The following RAB5A variants were observed in gnomAD, a reference collection of about 807,000 sequenced individuals.
RAB5A encodes the protein RAB5A, member RAS oncogene family.
A neutral mutation model predicts 25.7 loss-of-function variants in RAB5A; 8 were observed. The ratio of observed to expected loss-of-function variants is 0.31; its 90% CI spans 0.18 to 0.56. The LOEUF (loss-of-function observed/expected upper bound fraction) is 0.56, where lower values mean the gene tolerates loss of function less well. Among genes scored for constraint, RAB5A ranks in the 20% least tolerant of loss-of-function variants. RAB5A has a pLI of 0.91. For missense variants in RAB5A, 192 were observed against 259.7 expected (o/e 0.74, Z 1.79); for synonymous variants, 98 against 89.8 (o/e 1.09, Z -0.52).
At position 19,983,897 on chromosome 3, in the gene RAB5A, C is replaced by T; in HGVS notation, c.*74C>T. ...ATAACAATGGAATTGGAGCATTTAA[C>T]CAGCCCAGTATGACTTCCAAAAGAA... On this transcript the variant is annotated 3_prime_UTR_variant, in exon 6 of 6. Coordinates refer to ENST00000273047, the MANE Select transcript of RAB5A (RefSeq NM_004162.5). 1.0e-6 allele frequency: 1 copy of T among 1,001,436 alleles called. No homozygotes were observed. The allele number at this position is 1,001,436 out of a possible 1,614,324, so 62.0% of individuals were successfully genotyped here. A position where few individuals can be genotyped will look rare whatever the true frequency, so the allele number is the denominator to read the frequency against.
intron 2 of RAB5A, among the ~76,000 whole-genome samples, chr3:19,958,871 G>A (rs1696543415): frequency 1.3e-5 from 2 of 150,908 alleles, no homozygotes; most frequent in South Asian, 2.1e-4. Flanking sequence ...CCTGGGAGGC[G>A]GAGGTTGCAG....
intron 2 of RAB5A, among the ~76,000 whole-genome samples, chr3:19,962,759 AT>A (rs1696605789): frequency 6.6e-6 from 1 of 152,068 alleles, no homozygotes; most frequent in Non-Finnish European, 1.5e-5. Context: ...TTTCTCACAT[AT>A]TCTGAGTATA....
At chr3:19,958,506 C>T (rs1696538057) in intron 2 of RAB5A, among the ~76,000 whole-genome samples, 2 of 152,154 alleles carry the variant, frequency 1.3e-5, no homozygotes, top group Non-Finnish European at 2.9e-5. Flanking sequence ...TTTATGTGAA[C>T]TCTGTTTACA....
Position 19,947,267 on chromosome 3 carries a change from C to CGGCGGCGGCGGT in RAB5A, c.-337_-336insTGGCGGCGGCGG. The CGGCGGCGGCGGT allele has an allele frequency of 1.8e-5, 1 of 56,718 alleles. No homozygotes were observed. Among genetic ancestry groups the CGGCGGCGGCGGT allele is most frequent in the Non-Finnish European group, 2.9e-5 (1 of 34,534 alleles). The allele number at this position is 56,718 out of a possible 1,614,324, so 3.5% of individuals were successfully genotyped here. A position where few individuals can be genotyped will look rare whatever the true frequency, so the allele number is the denominator to read the frequency against. On this transcript the variant is annotated 5_prime_UTR_variant, in exon 1 of 6. Coordinates refer to ENST00000273047, the MANE Select transcript of RAB5A (RefSeq NM_004162.5). ...GAAGAATTAGTCGGAACTCCAGCGC[C>CGGCGGCGGCGGT]GGCGGCGGCGGCGGCGGCGGAGGAG...
intron 3 of RAB5A, 112 bp from the exon 4 acceptor site, chr3:19,975,935 A>T (rs1696818366): frequency 2.8e-6 from 4 of 1,418,860 alleles, no homozygotes; most frequent in Non-Finnish European, 3.8e-6. Context: ...AATAGTCCTA[A>T]TAATTTCTTT....
intron 2 of RAB5A, among the ~76,000 whole-genome samples, chr3:19,961,848 T>G (rs915880910): frequency 6.6e-6 from 1 of 152,244 alleles, no homozygotes; most frequent in Non-Finnish European, 1.5e-5. Context: ...ATATGTCAGA[T>G]GTACTGTAAT....
rs2125191541 is a variant in RAB5A, at chr3:19,975,734, A to G, written c.297A>G (p.Val99=). Residue 99 remains valine (V), a synonymous_variant, in exon 3 of 6, where the codon GTA becomes GTG. Transcript: ENST00000273047. The part of the protein sequence containing the change: ...YYRGAQAAIV[V]YDITNEESFA... ...GAGGAGCACAAGCAGCCATAGTTGT[A>G]TATGATATCACAAATGAGGTAAGTA... 3 of 1,612,028 alleles carry G rather than the reference A, an allele frequency of 1.9e-6. No homozygotes were observed. Among genetic ancestry groups the G allele is most frequent in the Non-Finnish European group, 2.5e-6 (3 of 1,179,318 alleles).
intron 2 of RAB5A, chr3:19,970,509 C>T (rs552157608): frequency 1.5e-5 from 7 of 456,598 alleles, no homozygotes; most frequent in African/African-American, 2.0e-5. Context: ...CACATCTCAA[C>T]GCAGCTTTGT....
chr3:19,951,767 CCTCA>C (rs1257822896), intron 2 of RAB5A, among the ~76,000 whole-genome samples: 8 of 138,828 alleles, frequency 5.8e-5, no homozygotes, highest in Non-Finnish European at 9.1e-5. Context: ...GAACTCCTGG[CCTCA>C]AGTGAGCCTC....
At chr3:19,957,005 C>A (rs1283537806) in intron 2 of RAB5A, among the ~76,000 whole-genome samples, 1 of 148,434 alleles carries the variant, frequency 6.7e-6, no homozygotes, top group Non-Finnish European at 1.5e-5. Context: ...ACAGTGGTGG[C>A]ATCAAAGCTC....
intron 2 of RAB5A, among the ~76,000 whole-genome samples, chr3:19,955,805 C>A (rs895872009): frequency 6.6e-6 from 1 of 152,098 alleles, no homozygotes; most frequent in African/African-American, 2.4e-5. Context: ...GCAGGAGATT[C>A]GCTTGAACCC....
chr3:19,954,267 G>A (rs974068173), intron 2 of RAB5A, among the ~76,000 whole-genome samples: 3 of 152,040 alleles, frequency 2.0e-5, no homozygotes, highest in African/African-American at 7.2e-5. Context: ...CACCTGCCTC[G>A]GCCTCCCAAA....
At chr3:19,964,870 A>G (rs1236709401) in intron 2 of RAB5A, among the ~76,000 whole-genome samples, 4 of 151,706 alleles carry the variant, frequency 2.6e-5, no homozygotes, top group Non-Finnish European at 5.9e-5. Flanking sequence ...CTAAAATGCT[A>G]GAATTACACA....
At chr3:19,950,066 A>G (rs1300615327) in intron 1 of RAB5A, among the ~76,000 whole-genome samples, 2 of 152,204 alleles carry the variant, frequency 1.3e-5, no homozygotes, top group Admixed American at 6.5e-5. Context: ...AATGGCATGT[A>G]TATTGTTCGT....
At chr3:19,963,374 C>G (rs182456529) in intron 2 of RAB5A, among the ~76,000 whole-genome samples, 5 of 123,856 alleles carry the variant, frequency 4.0e-5, no homozygotes, top group South Asian at 3.2e-4. Flanking sequence ...ACCCCCCCCC[C>G]CCCCGACTTA....
intron 2 of RAB5A, among the ~76,000 whole-genome samples, chr3:19,965,780 A>G (rs1396722146): frequency 1.3e-5 from 2 of 151,822 alleles, no homozygotes; most frequent in African/African-American, 4.8e-5. Context: ...TGGGGACGGG[A>G]TGACAGGGTC....
At chr3:19,979,871 G>A (rs944996404) in intron 5 of RAB5A, 2 of 152,056 alleles carry the variant, frequency 1.3e-5, no homozygotes, top group South Asian at 2.1e-4. Context: ...CTTAACTGGG[G>A]TGTTCACAGT....
At chr3:19,967,437 G>T (rs1046321239) in intron 2 of RAB5A, among the ~76,000 whole-genome samples, 1 of 152,148 alleles carries the variant, frequency 6.6e-6, no homozygotes, top group African/African-American at 2.4e-5. Flanking sequence ...GAGCCATTGC[G>T]CTCGGCCCTT....
intron 2 of RAB5A, among the ~76,000 whole-genome samples, chr3:19,966,356 C>T (rs1485963092): frequency 6.6e-6 from 1 of 152,176 alleles, no homozygotes; most frequent in East Asian, 1.9e-4. Flanking sequence ...TGTTGTAAAG[C>T]AAGTGCCAGA....
Sources: gnomAD v4.1 joint callset for allele counts (sites outside exome capture counted in the v4.1 genomes callset) on GRCh38, gnomAD v4.1.1 for gene constraint, MANE v1.5 for transcripts, NCBI Gene and HGNC (gene_info 2026-07-23, HGNC 2026-07-21) for gene names.